The following CBR4 variants were observed in gnomAD, a reference collection of about 807,000 sequenced individuals.
The protein encoded by CBR4 is 3-oxoacyl-[acyl-carrier-protein] reductase.
In CBR4, 22 loss-of-function variants were observed where a neutral mutation model predicts 21.0. The ratio of observed to expected loss-of-function variants is 1.05; its 90% CI spans 0.75 to 1.50. The LOEUF (loss-of-function observed/expected upper bound fraction) is 1.50, where lower values mean the gene tolerates loss of function less well. Among genes scored for constraint, CBR4 ranks in the 40% most tolerant of loss-of-function variants. The probability of loss-of-function intolerance (pLI) is 0.00; values close to 1 mark genes in which losing one functional copy is unlikely to be tolerated. For synonymous variants in CBR4, 100 were observed against 104.4 expected (o/e 0.96, Z 0.26); for missense variants, 302 against 286.3 (o/e 1.05, Z -0.40).
chr4:169,005,851 C>T lies in CBR4; in HGVS notation c.400+904G>A, dbSNP rs921082064. On this transcript the variant is annotated intron_variant, in intron 3 of 4. Coordinates refer to ENST00000306193, the MANE Select transcript of CBR4 (RefSeq NM_032783.5). The stretch of plus-strand genomic sequence containing the variant: ...AACTCTAAATTCTGGCTTGAAAAAC[C>T]ATTTCCTACATTTAAAAGAACAGGG... 7 of 1,281,502 alleles carry T rather than the reference C, an allele frequency of 5.5e-6. No individual in the cohort carries two copies. In the African/African-American group the frequency reaches 9.1e-5, roughly 17 times the overall value. The allele number at this position is 1,281,502 out of a possible 1,614,324, so 79.4% of individuals were successfully genotyped here.
At chr4:169,007,506 C>A in intron 2 of CBR4, 130 bp downstream of exon 2, 1 of 475,962 alleles carries the variant, frequency 2.1e-6, no homozygotes, top group Non-Finnish European at 3.4e-6. Flanking sequence ...TATGGATTGA[C>A]AAGTTTTAAA....
At chr4:169,009,363 A>G (rs769351181) in intron 1 of CBR4, among the ~76,000 whole-genome samples, 3 of 152,244 alleles carry the variant, frequency 2.0e-5, no homozygotes, top group Non-Finnish European at 4.4e-5. Flanking sequence ...AAACTCACCA[A>G]AACAATTTAA....
At chr4:168,981,793 A>G (rs1342757467) in intron 2 of CBR4, among the ~76,000 whole-genome samples, 2 of 152,210 alleles carry the variant, frequency 1.3e-5, no homozygotes, top group African/African-American at 4.8e-5. Flanking sequence ...CCAACCAAGA[A>G]TTTCATATGC....
chr4:168,935,489 G>GCCCA (rs1301338849), intron 2 of CBR4, among the ~76,000 whole-genome samples: 2 of 152,116 alleles, frequency 1.3e-5, no homozygotes, highest in Non-Finnish European at 2.9e-5. Context: ...CCCCTATGGA[G>GCCCA]CCCAGCAAGC....
chr4:168,972,728 G>GTGACAGTT (rs1271748144), intron 2 of CBR4, among the ~76,000 whole-genome samples: 2 of 152,156 alleles, frequency 1.3e-5, no homozygotes, highest in Admixed American at 1.3e-4. Flanking sequence ...TCAGCAAACG[G>GTGACAGTT]TGACAGTTTG....
At chr4:168,996,531 C>T (rs1391566374) in intron 4 of CBR4, among the ~76,000 whole-genome samples, 1 of 151,802 alleles carries the variant, frequency 6.6e-6, no homozygotes, top group Non-Finnish European at 1.5e-5. Flanking sequence ...TTAGGGTTCA[C>T]TCTTTATTTT....
intron 2 of CBR4, among the ~76,000 whole-genome samples, chr4:168,962,679 A>G (rs933720771): frequency 4.6e-5 from 7 of 152,338 alleles, no homozygotes; most frequent in African/African-American, 1.4e-4. Flanking sequence ...AAAAAAAGCT[A>G]AAGTGAAGAT....
chr4:168,974,425 T>G (rs1338477369), intron 2 of CBR4, among the ~76,000 whole-genome samples: 1 of 152,212 alleles, frequency 6.6e-6, no homozygotes, highest in Non-Finnish European at 1.5e-5. Context: ...CAGGTGTTCT[T>G]TGAGGTTCTT....
At chr4:168,947,281 A>G (rs868498795) in intron 2 of CBR4, among the ~76,000 whole-genome samples, 49 of 152,212 alleles carry the variant, frequency 3.2e-4, no homozygotes, top group African/African-American at 1.2e-3. Context: ...CTTACAATTT[A>G]TCTATTGATA....
In CBR4 at chr4:169,006,811, C is replaced by G. The variant is rs1183141354; in HGVS notation, c.344G>C (p.Cys115Ser). 4 of 1,613,794 alleles carry G rather than the reference C, an allele frequency of 2.5e-6. No individual in the cohort carries two copies. ...HTNLLGSMLT[C>S]KAAMRTMIQQ... The stretch of plus-strand genomic sequence containing the variant: ...AATCATAGTCCTCATGGCAGCTTTA[C>G]AGGTCAGCATGGAACCCAAGAGGTT... Residue 115 changes from cysteine to serine, a missense_variant, in exon 3 of 5, where the codon TGT becomes TCT. Coordinates refer to ENST00000306193, the MANE Select transcript of CBR4 (RefSeq NM_032783.5).
intron 2 of CBR4, among the ~76,000 whole-genome samples, chr4:168,965,292 G>A (rs1199035894): frequency 3.9e-5 from 6 of 152,124 alleles, no homozygotes. Context: ...CCATTCTCAT[G>A]AAGAATCAAT....
At chr4:168,972,224 G>A (rs1036871200) in intron 2 of CBR4, among the ~76,000 whole-genome samples, 1 of 152,200 alleles carries the variant, frequency 6.6e-6, no homozygotes, top group Non-Finnish European at 1.5e-5. Flanking sequence ...GATGCCTCCA[G>A]ATTTGTTCTT....
intron 2 of CBR4, among the ~76,000 whole-genome samples, chr4:168,951,691 C>T (rs1477634400): frequency 6.6e-6 from 1 of 152,160 alleles, no homozygotes; most frequent in Non-Finnish European, 1.5e-5. Context: ...TCACTGGATA[C>T]AAAATTCTTG....
rs556920105 is a variant in CBR4 at position 169,002,736 on chromosome 4, T to C, written c.401-531A>G. Among the ~76,000 whole-genome samples, 22 of 137,570 alleles carry C rather than the reference T, an allele frequency of 1.6e-4. No homozygotes were observed. In the South Asian group the frequency reaches 4.2e-3, roughly 26 times the overall value. The allele number at this position is 137,570 out of a possible 152,430, so 90.3% of individuals were successfully genotyped here. The stretch of plus-strand genomic sequence containing the variant: ...TCTGCTTTATTGTGCTTTGCAGATA[T>C]TGCATTTTTTTTTTTTTTTTTTAAC... On this transcript the variant is annotated intron_variant, in intron 3 of 4. Transcript: ENST00000306193.
chr4:168,957,195 C>T (rs1415331744), intron 2 of CBR4, among the ~76,000 whole-genome samples: 1 of 152,128 alleles, frequency 6.6e-6, no homozygotes, highest in Non-Finnish European at 1.5e-5. Flanking sequence ...GCCTTTATCA[C>T]TCAAAAGCTT....
chr4:168,915,828 AT>A, intron 2 of CBR4: 1 of 1,239,176 alleles, frequency 8.1e-7, no homozygotes, highest in South Asian at 1.2e-5. Context: ...AAGAAAACAG[AT>A]GACTAAAAGT....
chr4:168,985,698 CTACAAAAAAAAAT>C (rs1234295030), downstream of CBR4, among the ~76,000 whole-genome samples: 1 of 152,006 alleles, frequency 6.6e-6, no homozygotes, highest in Non-Finnish European at 1.5e-5. Flanking sequence ...TACAACACAG[CTACAAAAAAAAAT>C]TAGATTATGA....
chr4:168,898,692 T>C, intron 2 of CBR4: 1 of 1,613,476 alleles, frequency 6.2e-7, no homozygotes, highest in Middle Eastern at 1.6e-4. Context: ...ACATGTAGAG[T>C]GGCTGGAAAT....
At chr4:168,898,547 C>T in intron 2 of CBR4, 1 of 1,613,694 alleles carries the variant, frequency 6.2e-7, no homozygotes, top group Non-Finnish European at 8.5e-7. Flanking sequence ...AGAGTACAGG[C>T]TAGAAAGGTC....
Sources: gnomAD v4.1 joint callset for allele counts (sites outside exome capture counted in the v4.1 genomes callset) on GRCh38, gnomAD v4.1.1 for gene constraint, MANE v1.5 for transcripts, NCBI Gene and HGNC (gene_info 2026-07-23, HGNC 2026-07-21) for gene names.